Variants in INTS3 observed in about 807,000 individuals in gnomAD.
The protein encoded by INTS3 is SOSS complex subunit A.
A neutral mutation model predicts 146.3 loss-of-function variants in INTS3; 34 were observed. The observed-to-expected ratio is 0.23, with a 90% CI of 0.18 to 0.31. INTS3 has a LOEUF of 0.31. Ranked by LOEUF, INTS3 falls within the 10% of genes least tolerant of loss-of-function variation. INTS3 has a pLI of 1.00. For missense variants in INTS3, 757 were observed against 1,304.2 expected, an observed-to-expected ratio of 0.58 and a Z score of 6.46; for synonymous variants, 475 against 494.9, an observed-to-expected ratio of 0.96 and a Z score of 0.53.
At position 153,741,243 on chromosome 1, in the gene INTS3, C is replaced by T. The variant is rs748309129; in HGVS notation, c.235-42C>T. 59 of 1,436,816 alleles carry T rather than the reference C, an allele frequency of 4.1e-5. No homozygotes were observed. In the East Asian group the frequency reaches 1.0e-3, roughly 25 times the overall value. The allele number at this position is 1,436,816 out of a possible 1,614,324, so 89.0% of individuals were successfully genotyped here. On this transcript the variant is annotated intron_variant, in intron 2 of 29. Transcript: ENST00000318967. ...GAAACTGAGTTTGAGAACTTACTGC[C>T]TGTGAGTGACAACTAGTTTGTTTTC...
At position 153,728,081 on chromosome 1, in the gene INTS3, C is replaced by T. The variant is rs1473516394; in HGVS notation, c.-554C>T. ...CCACCCCCCGCCCTTCCACTATGGC[C>T]GCTTCTGTGTGGTGTGGGGAGACGC... On this transcript the variant is annotated 5_prime_UTR_variant, in exon 1 of 30. Transcript: ENST00000318967. 8 of 177,716 alleles carry T rather than the reference C, an allele frequency of 4.5e-5. No homozygotes were observed. The highest frequency in any genetic ancestry group is 9.0e-5 in the Non-Finnish European group (8 of 88,748). The allele number at this position is 177,716 out of a possible 1,614,324, so 11.0% of individuals were successfully genotyped here.
chr1:153,759,767 C>A, intron 11 of INTS3, 154 bp downstream of exon 11: 1 of 623,608 alleles, frequency 1.6e-6, no homozygotes, highest in Non-Finnish European at 2.9e-6. Flanking sequence ...TTCCCTTGAC[C>A]TAGAAAGAGA....
chr1:153,763,971 C>G (rs1672483585), intron 17 of INTS3, 85 bp downstream of exon 17: 2 of 1,402,360 alleles, frequency 1.4e-6, no homozygotes, highest in Non-Finnish European at 2.0e-6. Flanking sequence ...CTCACTTTTT[C>G]CCTCCCCTAG....
intron 3 of INTS3, among the ~76,000 whole-genome samples, chr1:153,745,294 C>T (rs1399816761): frequency 1.3e-5 from 2 of 151,656 alleles, no homozygotes; most frequent in Non-Finnish European, 2.9e-5. Flanking sequence ...GTAGTTGGGA[C>T]TACAGGCACG....
At chr1:153,744,607 T>C (rs1486043875) in intron 3 of INTS3, among the ~76,000 whole-genome samples, 1 of 152,202 alleles carries the variant, frequency 6.6e-6, no homozygotes, top group African/African-American at 2.4e-5. Context: ...GTGGGTATTT[T>C]CATCATCAGT....
chr1:153,729,881 A>G (rs1348657604), intron 1 of INTS3, among the ~76,000 whole-genome samples: 1 of 151,308 alleles, frequency 6.6e-6, no homozygotes, highest in Non-Finnish European at 1.5e-5. Context: ...AAAAAAAAAA[A>G]AGAATATGAG....
chr1:153,752,183 C>T, intron 7 of INTS3, 96 bp from the exon 8 acceptor site: 1 of 1,225,238 alleles, frequency 8.2e-7, no homozygotes. Flanking sequence ...TTCCTTCCCT[C>T]CCTAGAACAT....
At chr1:153,769,901 C>A in intron 23 of INTS3, 57 bp downstream of exon 23, 1 of 1,250,346 alleles carries the variant, frequency 8.0e-7, no homozygotes, top group Non-Finnish European at 1.2e-6. Context: ...GGTGTCAGTC[C>A]TGTGTATTTT....
intron 9 of INTS3, among the ~76,000 whole-genome samples, chr1:153,755,016 A>G (rs992939965): frequency 3.3e-5 from 5 of 152,234 alleles, no homozygotes; most frequent in African/African-American, 7.2e-5. Context: ...TAAACCAATA[A>G]TTATATAGAA....
Position 153,762,764 on chromosome 1 carries a change from A to G in INTS3, c.1553A>G (p.Asn518Ser), listed in dbSNP as rs139140698. ...GAGCCAGTTTCCATGGAGATGGACA[A>G]CCATATGTCGGATAAGGATGAGAGT... is the stretch of plus-strand genomic sequence containing the variant. ...IEEPVSMEMD[N>S]HMSDKDESCY... The change falls in exon 15 of 30, where the codon AAC (asparagine) becomes AGC (serine). Residue 518 changes from asparagine to serine, a missense_variant. Asn to Ser is a conservative substitution (Grantham distance 46, BLOSUM62 1). Transcript: ENST00000318967. 8.1e-6 allele frequency: 13 copies of G among 1,614,008 alleles called. No individual in the cohort carries two copies. In the African/African-American group the frequency reaches 1.7e-4, roughly 22 times the overall value.
chr1:153,747,416 C>A (rs2101798600), intron 5 of INTS3, 53 bp downstream of exon 5: 1 of 1,332,754 alleles, frequency 7.5e-7, no homozygotes, highest in Non-Finnish European at 1.1e-6. Flanking sequence ...CCAGAGACTA[C>A]ATAGAGACAA....
At chr1:153,770,558 T>A (rs1672808038) in intron 24 of INTS3, 127 bp from the exon 25 acceptor site, 1 of 812,034 alleles carries the variant, frequency 1.2e-6, no homozygotes, top group Admixed American at 2.1e-5. Flanking sequence ...GGTAGGGGAT[T>A]CTTCCTGGCT....
intron 5 of INTS3, chr1:153,748,409 T>C: frequency 2.2e-6 from 1 of 457,818 alleles, no homozygotes; most frequent in South Asian, 2.2e-5. Context: ...TCTCAGACGT[T>C]CATTTTCAAG....
intron 3 of INTS3, 65 bp downstream of exon 3, chr1:153,741,433 A>ACC: frequency 1.7e-6 from 2 of 1,173,612 alleles, no homozygotes; most frequent in Non-Finnish European, 2.6e-6. Context: ...GGTGGAACTT[A>ACC]CAGTTTAACT....
intron 4 of INTS3, 67 bp downstream of exon 4, chr1:153,747,137 A>G (rs1379106309): frequency 2.2e-6 from 3 of 1,357,280 alleles, no homozygotes; most frequent in Non-Finnish European, 2.1e-6. Flanking sequence ...TCTGTCAGGA[A>G]CGGGAAAGAG....
rs1672375614 is a variant in INTS3 at position 153,761,353 on chromosome 1, T to TA, written c.1410-216dup. ...TGGCAAAACCCGTGTCTACTAAAAA[T>TA]ACAAAAATTAGCCAGGTGTGATGGT... On this transcript the variant is annotated intron_variant, in intron 13 of 29. Coordinates refer to ENST00000318967, the MANE Select transcript of INTS3 (RefSeq NM_023015.5). The TA allele has an allele frequency of 5.8e-6, 3 of 515,242 alleles. No individual in the cohort carries two copies. The South Asian group carries it at 8.3e-5, about 14-fold the overall frequency. 31.9% of individuals were successfully genotyped at this position (515,242 alleles called of 1,614,324 possible).
chr1:153,740,819 T>G, intron 2 of INTS3, 85 bp downstream of exon 2: 1 of 1,099,274 alleles, frequency 9.1e-7, no homozygotes, highest in Non-Finnish European at 1.4e-6. Flanking sequence ...ACTAAGTGGT[T>G]GGGGGTAGGG....
rs898279684 is a variant in INTS3, at chr1:153,757,639, G to A, written c.1025G>A (p.Ser342Asn). 3 of 1,614,066 alleles carry A rather than the reference G, an allele frequency of 1.9e-6. No individual in the cohort carries two copies. Among genetic ancestry groups the A allele is most frequent in the Non-Finnish European group, 2.5e-6 (3 of 1,180,028 alleles). The change falls in exon 10 of 30, where the codon AGT (serine) becomes AAT (asparagine). Residue 342 changes from serine (S) to asparagine (N), a missense_variant. This residue lies in a region of INTS3 where 134 missense variants were observed against 243.1 expected (regional missense o/e 0.55). Coordinates refer to ENST00000318967, the MANE Select transcript of INTS3 (RefSeq NM_023015.5). This position sits in a 1 kb window ranked among gnomAD's most constrained non-coding sequence, Gnocchi z 4.0. ...CGCCAGTACCTGTCAACTCCAGATA[G>A]TCAGTCTCTGCGCTGTGACCTCATT... Reference protein sequence around the residue: ...FQRQYLSTPDSQSLRCDLIRY... With the variant: ...FQRQYLSTPDNQSLRCDLIRY...
chr1:153,764,427 T>A (rs1356559723), intron 18 of INTS3, among the ~76,000 whole-genome samples: 1 of 152,232 alleles, frequency 6.6e-6, no homozygotes, highest in African/African-American at 2.4e-5. Flanking sequence ...CTCCTCATGC[T>A]TCCAGCCCTT....
Sources: gnomAD v4.1 joint callset for allele counts (sites outside exome capture counted in the v4.1 genomes callset) on GRCh38, gnomAD v4.1.1 for gene constraint, gnomAD v4.1.1 regional missense constraint, Gnocchi (gnomAD v3.1) non-coding constraint, MANE v1.5 for transcripts, NCBI Gene and HGNC (gene_info 2026-07-23, HGNC 2026-07-21) for gene names.